The following ADGRL3 variants were observed in gnomAD, a reference collection of about 807,000 sequenced individuals.
ADGRL3 encodes the protein adhesion G protein-coupled receptor L3.
A neutral mutation model predicts 153.5 loss-of-function variants in ADGRL3; 62 were observed. That is an observed-to-expected ratio of 0.40 (90% CI 0.33 to 0.50). ADGRL3 has a LOEUF of 0.50. ADGRL3 is among the 20% of genes least tolerant of loss of function. ADGRL3 has a pLI of 0.47. For synonymous variants in ADGRL3, 710 were observed against 672.5 expected, an observed-to-expected ratio of 1.06 and a Z score of -0.86; for missense variants, 1,641 against 1,859.4, an observed-to-expected ratio of 0.88 and a Z score of 2.16.
At chr4:61,395,437 C>G (rs574141338) in intron 2 of ADGRL3, among the ~76,000 whole-genome samples, 3 of 151,958 alleles carry the variant, frequency 2.0e-5, no homozygotes, top group African/African-American at 7.2e-5. Flanking sequence ...GGAGTCTTCA[C>G]CAAACTAACC....
At chr4:61,231,262 G>A (rs1449742489) in intron 1 of ADGRL3, among the ~76,000 whole-genome samples, 1 of 152,120 alleles carries the variant, frequency 6.6e-6, no homozygotes, top group Admixed American at 6.5e-5. Context: ...ATTTAGCAAT[G>A]TTCATATTCT....
chr4:61,415,195 G>A (rs2097132332), intron 2 of ADGRL3, among the ~76,000 whole-genome samples: 1 of 151,662 alleles, frequency 6.6e-6, no homozygotes, highest in African/African-American at 2.4e-5. Flanking sequence ...ATAATATCAA[G>A]GACCTCAGCT....
chr4:61,533,340 G>T (rs1000475477), intron 4 of ADGRL3, among the ~76,000 whole-genome samples: 1 of 152,148 alleles, frequency 6.6e-6, no homozygotes, highest in East Asian at 1.9e-4. Context: ...TCCAAACCAC[G>T]GGAATTAGGA....
rs549790896 is a variant in ADGRL3 at position 62,019,092 on chromosome 4, T to C, written c.3396-9763T>C. On this transcript the variant is annotated intron_variant, in intron 21 of 26. Transcript: ENST00000683033. ...TGGTTCTATGATTTATCTCTCACTA[T>C]TCACAGGTAATTATAACTTCTGGTT... is the stretch of plus-strand genomic sequence containing the variant. 1.8e-4 allele frequency among the ~76,000 whole-genome samples: 28 copies of C among 152,342 alleles called. No homozygotes were observed. The Middle Eastern group carries it at 0.01, about 56-fold the overall frequency.
intron 9 of ADGRL3, among the ~76,000 whole-genome samples, chr4:61,832,783 C>T (rs989452187): frequency 4.0e-5 from 6 of 150,538 alleles, no homozygotes; most frequent in Admixed American, 2.0e-4. Flanking sequence ...CATTGTTTTT[C>T]GCTTTCTTTC....
intron 1 of ADGRL3, among the ~76,000 whole-genome samples, chr4:61,304,145 C>T (rs2094684322): frequency 6.6e-6 from 1 of 152,150 alleles, no homozygotes; most frequent in Non-Finnish European, 1.5e-5. Flanking sequence ...TGTGCAGTAG[C>T]CCACCTATGT....
At chr4:61,519,784 C>T (rs2152913415) in intron 4 of ADGRL3, among the ~76,000 whole-genome samples, 1 of 152,126 alleles carries the variant, frequency 6.6e-6, no homozygotes, top group South Asian at 2.1e-4. Flanking sequence ...CCTTTCCTCC[C>T]CTCCTCCACC....
At chr4:61,795,323 C>T (rs1424041205) in intron 8 of ADGRL3, among the ~76,000 whole-genome samples, 2 of 152,050 alleles carry the variant, frequency 1.3e-5, no homozygotes, top group Non-Finnish European at 2.9e-5. Flanking sequence ...GAGGCAGGGT[C>T]TCAACATGTT....
At chr4:61,987,642 T>G (rs2099090459) in intron 19 of ADGRL3, among the ~76,000 whole-genome samples, 1 of 152,166 alleles carries the variant, frequency 6.6e-6, no homozygotes, top group Non-Finnish European at 1.5e-5. Context: ...TATAATAAAG[T>G]GTAGTTAGCC....
At chr4:61,686,851 A>G (rs2095454179) in intron 6 of ADGRL3, among the ~76,000 whole-genome samples, 1 of 151,956 alleles carries the variant, frequency 6.6e-6, no homozygotes, top group Non-Finnish European at 1.5e-5. Flanking sequence ...TCTTACCTCT[A>G]TGAAATCAAC....
At chr4:61,483,683 G>A (rs2098156795) in intron 2 of ADGRL3, among the ~76,000 whole-genome samples, 1 of 152,010 alleles carries the variant, frequency 6.6e-6, no homozygotes, top group African/African-American at 2.4e-5. Flanking sequence ...GTTGCTATGA[G>A]CCGAGATCAT....
At chr4:62,022,186 C>G (rs1258357497) in intron 21 of ADGRL3, among the ~76,000 whole-genome samples, 1 of 152,130 alleles carries the variant, frequency 6.6e-6, no homozygotes, top group East Asian at 1.9e-4. Context: ...TTTTAGTGGT[C>G]TTGTTAGAAG....
rs748059859 is a variant in ADGRL3 at position 61,346,781 on chromosome 4, C to CAA, written c.-239-36323_-239-36322dup. 3.2e-3 allele frequency among the ~76,000 whole-genome samples: 142 copies of CAA among 44,458 alleles called. 2 individuals carry two copies. Among genetic ancestry groups the CAA allele is most frequent in the African/African-American group, 6.8e-3 (88 of 12,926 alleles). The allele number at this position is 44,458 out of a possible 152,430, so 29.2% of individuals were successfully genotyped here. On this transcript the variant is annotated intron_variant, in intron 1 of 26. Transcript: ENST00000683033. ...CTGGGCATCAAAGCCAGACCTGTCT[C>CAA]AAAAAAAAAAAAAAAAAAAAAGCTA...
chr4:61,864,959 C>T (rs559376840), intron 9 of ADGRL3, among the ~76,000 whole-genome samples: 3 of 152,234 alleles, frequency 2.0e-5, no homozygotes, highest in South Asian at 2.1e-4. Flanking sequence ...TACACTATCA[C>T]GTTTGTTACT....
intron 8 of ADGRL3, among the ~76,000 whole-genome samples, chr4:61,736,089 G>A (rs535601858): frequency 6.6e-6 from 1 of 151,958 alleles, no homozygotes. Flanking sequence ...ATAGTCATAT[G>A]TGTATTAGTA....
chr4:61,251,463 C>G (rs554120315), intron 1 of ADGRL3, among the ~76,000 whole-genome samples: 1 of 152,180 alleles, frequency 6.6e-6, no homozygotes, highest in African/African-American at 2.4e-5. Context: ...CATGGCATCA[C>G]TTTTGCCACA....
intron 5 of ADGRL3, among the ~76,000 whole-genome samples, chr4:61,608,200 A>G (rs1447240467): frequency 6.6e-6 from 1 of 152,176 alleles, no homozygotes; most frequent in East Asian, 1.9e-4. Flanking sequence ...ACATTTGCAC[A>G]CACAGCTTTG....
At chr4:61,281,715 GGCCTTGACTGA>G (rs1202283301) in intron 1 of ADGRL3, among the ~76,000 whole-genome samples, 1 of 152,034 alleles carries the variant, frequency 6.6e-6, no homozygotes, top group African/African-American at 2.4e-5. Flanking sequence ...GATGTTAGCT[GGCCTTGACTGA>G]GCATTAGTTG....
rs1579942600 is a variant in ADGRL3 at position 61,627,339 on chromosome 4, T to A, written c.473+39899T>A. On this transcript the variant is annotated intron_variant, in intron 5 of 26. Transcript: ENST00000683033. ...TATTAATAATGAATAGTTAGCCGAATGTGGTGGCTCATGCCTGTAATCCCA... is the reference window on the plus strand; with the variant it reads ...TATTAATAATGAATAGTTAGCCGAAAGTGGTGGCTCATGCCTGTAATCCCA... Among the ~76,000 whole-genome samples, 4 of 152,222 alleles carry A rather than the reference T, an allele frequency of 2.6e-5. 1 individual carries two copies. The highest frequency in any genetic ancestry group is 2.6e-4 in the Admixed American group (4 of 15,292).
Sources: gnomAD v4.1 joint callset for allele counts (sites outside exome capture counted in the v4.1 genomes callset) on GRCh38, gnomAD v4.1.1 for gene constraint, MANE v1.5 for transcripts, NCBI Gene and HGNC (gene_info 2026-07-23, HGNC 2026-07-21) for gene names.